Variants in MAD1L1 observed in about 807,000 individuals in gnomAD.
The protein encoded by MAD1L1 is mitotic spindle assembly checkpoint protein MAD1.
MAD1L1 carries 95 observed loss-of-function variants against 96.9 expected under a neutral mutation model. That is an observed-to-expected ratio of 0.98 (90% CI 0.83 to 1.16). MAD1L1 has a LOEUF of 1.16. Ranked by LOEUF, MAD1L1 falls within the 50% of genes most tolerant of loss-of-function variation. The pLI is 0.00. For missense variants in MAD1L1, 1,007 were observed against 954.4 expected (o/e 1.06, Z -0.73); for synonymous variants, 473 against 396.6 (o/e 1.19, Z -2.29).
intron 17 of MAD1L1, among the ~76,000 whole-genome samples, chr7:1,925,177 A>C (rs1789019882): frequency 6.6e-6 from 1 of 152,216 alleles, no homozygotes; most frequent in East Asian, 1.9e-4. Flanking sequence ...TCAGGTGCAC[A>C]TGGGACATTT....
At chr7:2,085,349 G>C (rs974534978) in intron 11 of MAD1L1, among the ~76,000 whole-genome samples, 1 of 152,222 alleles carries the variant, frequency 6.6e-6, no homozygotes, top group Non-Finnish European at 1.5e-5. Flanking sequence ...CGTGTGGTCT[G>C]TCTCCCCGCC....
At chr7:2,185,212 C>T (rs1008590362) in intron 10 of MAD1L1, among the ~76,000 whole-genome samples, 47 of 22,070 alleles carry the variant, frequency 2.1e-3, no homozygotes, top group South Asian at 5.0e-3. Context: ...CTCTTGCCTC[C>T]CCCCTAGTCC....
At chr7:2,112,968 G>A (rs372569272) in intron 11 of MAD1L1, among the ~76,000 whole-genome samples, 7 of 152,274 alleles carry the variant, frequency 4.6e-5, no homozygotes, top group South Asian at 2.1e-4. Flanking sequence ...TGAATGAACC[G>A]AATCCGCAGA....
intron 11 of MAD1L1, among the ~76,000 whole-genome samples, chr7:2,128,542 G>A (rs558271295): frequency 5.9e-5 from 9 of 152,320 alleles, no homozygotes; most frequent in East Asian, 1.9e-4. Context: ...AGGCCCTGAC[G>A]GGAGTCCCTA....
intron 12 of MAD1L1, among the ~76,000 whole-genome samples, chr7:2,043,219 T>C (rs1389092782): frequency 6.6e-6 from 1 of 152,218 alleles, no homozygotes; most frequent in Non-Finnish European, 1.5e-5. Context: ...GACTTTCGAA[T>C]GTGTCTGCAT....
chr7:1,959,022 C>A (rs1406929574), intron 15 of MAD1L1, among the ~76,000 whole-genome samples: 1 of 152,218 alleles, frequency 6.6e-6, no homozygotes, highest in Non-Finnish European at 1.5e-5. Context: ...GAGGCCAAGG[C>A]AGCTGGATCG....
chr7:2,053,356 A>C (rs1006425806), intron 12 of MAD1L1, among the ~76,000 whole-genome samples: 1 of 152,008 alleles, frequency 6.6e-6, no homozygotes, highest in Non-Finnish European at 1.5e-5. Context: ...CTCCCTGGCC[A>C]CTCCAAAGGC....
intron 12 of MAD1L1, among the ~76,000 whole-genome samples, chr7:2,047,290 C>G (rs955716562): frequency 6.6e-6 from 1 of 152,216 alleles, no homozygotes; most frequent in African/African-American, 2.4e-5. Context: ...CCCACCGGCA[C>G]GAGGAAACCC....
At position 2,146,659 on chromosome 7, in the gene MAD1L1, G is replaced by A. The variant is rs540569713; in HGVS notation, c.1073+2493C>T. ...TCAGTGACTACAAGCTACTTTCAAT[G>A]AGAAACAAACAAAAGTGACTTTAAA... On this transcript the variant is annotated intron_variant, in intron 11 of 18. Transcript: ENST00000265854. The surrounding 1 kb of genome is among the most constrained non-coding windows in gnomAD (Gnocchi z 6.2). 1.3e-5 allele frequency among the ~76,000 whole-genome samples: 2 copies of A among 152,336 alleles called. No homozygotes were observed. The highest frequency in any genetic ancestry group is 4.8e-5 in the African/African-American group (2 of 41,578).
intron 17 of MAD1L1, among the ~76,000 whole-genome samples, chr7:1,915,634 C>T (rs976784583): frequency 1.3e-5 from 2 of 152,338 alleles, no homozygotes; most frequent in South Asian, 4.1e-4. Context: ...AAATGTGTCG[C>T]CGGCACAGAA....
chr7:1,887,137 C>T (rs1166936848), intron 18 of MAD1L1, among the ~76,000 whole-genome samples: 1 of 152,190 alleles, frequency 6.6e-6, no homozygotes, highest in Non-Finnish European at 1.5e-5. Flanking sequence ...GACTTGCTTT[C>T]CCTGCCTCCT....
intron 11 of MAD1L1, among the ~76,000 whole-genome samples, chr7:2,116,086 CA>C (rs1187198165): frequency 6.6e-6 from 1 of 152,234 alleles, no homozygotes; most frequent in Non-Finnish European, 1.5e-5. Context: ...AAATAAGGGC[CA>C]AGGTGACCAC....
intron 12 of MAD1L1, among the ~76,000 whole-genome samples, chr7:2,015,333 A>T (rs573166823): frequency 1.3e-5 from 2 of 152,138 alleles, no homozygotes; most frequent in Non-Finnish European, 2.9e-5. Flanking sequence ...CCACACGCAG[A>T]TCCCTACAGA....
At chr7:2,167,551 A>AT (rs1253541804) in intron 10 of MAD1L1, among the ~76,000 whole-genome samples, 19 of 150,768 alleles carry the variant, frequency 1.3e-4, no homozygotes, top group African/African-American at 4.7e-4. Flanking sequence ...TCCGTCTCAA[A>AT]AAATAATAAT....
rs539549814 is a variant in MAD1L1, at chr7:2,121,929, G to A, written c.1073+27223C>T. Among the ~76,000 whole-genome samples, 17 of 152,316 alleles carry A rather than the reference G, an allele frequency of 1.1e-4. No individual in the cohort carries two copies. In the East Asian group the frequency reaches 2.1e-3, roughly 19 times the overall value. ...GGGACACGTGGACACCTGAGGGACCGGCAAAGGCGCACAGAAGGGCTAGAG... is the reference window on the plus strand; with the variant it reads ...GGGACACGTGGACACCTGAGGGACCAGCAAAGGCGCACAGAAGGGCTAGAG... On this transcript the variant is annotated intron_variant, in intron 11 of 18. Coordinates refer to ENST00000265854, the MANE Select transcript of MAD1L1 (RefSeq NM_001013836.2).
intron 18 of MAD1L1, 72 bp downstream of exon 18, chr7:1,898,128 C>T: frequency 6.7e-7 from 1 of 1,481,634 alleles, no homozygotes; most frequent in Non-Finnish European, 9.2e-7. Context: ...TTGCTGAGGG[C>T]TACGGTCGGA....
intron 11 of MAD1L1, among the ~76,000 whole-genome samples, chr7:2,078,461 G>A (rs757195855): frequency 3.5e-4 from 53 of 152,216 alleles, no homozygotes; most frequent in Non-Finnish European, 6.6e-4. Flanking sequence ...CCACGCTCAC[G>A]GGGCCTCCGC....
chr7:1,971,918 C>T (rs1329790684), intron 15 of MAD1L1, among the ~76,000 whole-genome samples: 2 of 152,136 alleles, frequency 1.3e-5, no homozygotes, highest in Admixed American at 6.6e-5. Flanking sequence ...TGGCTGGAGA[C>T]CTTTAAAACA....
At chr7:2,049,547 G>A (rs765774904) in intron 12 of MAD1L1, among the ~76,000 whole-genome samples, 1 of 152,206 alleles carries the variant, frequency 6.6e-6, no homozygotes, top group Non-Finnish European at 1.5e-5. Flanking sequence ...GTAGGAGGAA[G>A]GACTCACCTA....
Sources: gnomAD v4.1 joint callset for allele counts (sites outside exome capture counted in the v4.1 genomes callset) on GRCh38, gnomAD v4.1.1 for gene constraint, Gnocchi (gnomAD v3.1) non-coding constraint, MANE v1.5 for transcripts, NCBI Gene and HGNC (gene_info 2026-07-23, HGNC 2026-07-21) for gene names.